AFAP1L1: variants seen among roughly 807,000 people sequenced by gnomAD.
AFAP1L1 encodes actin filament associated protein 1 like 1.
AFAP1L1 carries 77 observed loss-of-function variants against 99.8 expected under a neutral mutation model. That is an observed-to-expected ratio of 0.77 (90% confidence interval 0.64 to 0.93). AFAP1L1 has a LOEUF of 0.93. Ranked by LOEUF, AFAP1L1 falls within the 40% of genes least tolerant of loss-of-function variation. The probability of loss-of-function intolerance (pLI) is 0.00; values close to 1 mark genes in which losing one functional copy is unlikely to be tolerated. For missense variants in AFAP1L1, 893 were observed against 996.8 expected (o/e 0.90, Z 1.40); for synonymous variants, 373 against 395.3 (o/e 0.94, Z 0.67).
chr5:149,283,508 T>TA (rs999384957), intron 1 of AFAP1L1, among the ~76,000 whole-genome samples: 24 of 152,074 alleles, frequency 1.6e-4, no homozygotes, highest in African/African-American at 3.6e-4. Flanking sequence ...AAGATTTTTT[T>TA]AAAAAAAAAC....
chr5:149,315,803 G>C lies in AFAP1L1; in HGVS notation c.1021-18G>C. On this transcript the variant is annotated intron_variant, in intron 9 of 18. Coordinates refer to ENST00000296721, the MANE Select transcript of AFAP1L1 (RefSeq NM_152406.4). ...TGAATGTGCCCTCTGATGAGGGACT[G>C]CCTGTGTCCCTCCTCAGAGGCTGTC... is the stretch of plus-strand genomic sequence containing the variant. The C allele has an allele frequency of 6.2e-7, 1 of 1,608,180 alleles. No individual in the cohort carries two copies. The highest frequency in any genetic ancestry group is 2.2e-5 in the East Asian group (1 of 44,828).
chr5:149,325,591 AC>A (rs1757073090), intron 15 of AFAP1L1, among the ~76,000 whole-genome samples: 1 of 152,338 alleles, frequency 6.6e-6, no homozygotes, highest in East Asian at 1.9e-4. Flanking sequence ...AGCAGAGTAG[AC>A]CAGAGGTTAC....
intron 1 of AFAP1L1, among the ~76,000 whole-genome samples, chr5:149,294,909 A>G (rs1581303990): frequency 6.6e-6 from 1 of 152,236 alleles, no homozygotes; most frequent in African/African-American, 2.4e-5. Flanking sequence ...CAGACAGGCC[A>G]GGGTTCAAAG....
intron 8 of AFAP1L1, 71 bp downstream of exon 8, chr5:149,310,206 G>A: frequency 6.8e-7 from 1 of 1,472,580 alleles, no homozygotes; most frequent in Non-Finnish European, 9.0e-7. Context: ...CCTCAGTAGA[G>A]CTGGCTCCTG....
intron 5 of AFAP1L1, among the ~76,000 whole-genome samples, chr5:149,303,861 G>C (rs34274338): frequency 0.056 from 8,480 of 151,982 alleles, 263 homozygotes; most frequent in East Asian, 0.092. Flanking sequence ...TTTTTTTACT[G>C]TGGTAAAATA....
intron 7 of AFAP1L1, among the ~76,000 whole-genome samples, chr5:149,307,818 T>TTCTCTCCCTCTCTCTCTCTCTC (rs1756473971): frequency 9.9e-6 from 1 of 100,568 alleles, no homozygotes; most frequent in South Asian, 4.2e-4. Flanking sequence ...GTGCCTCTCT[T>TTCTCTCCCTCTCTCTCTCTCTC]TCTCTCTCTC....
At chr5:149,309,919 C>T in intron 7 of AFAP1L1, 37 bp from the exon 8 acceptor site, 1 of 1,613,946 alleles carries the variant, frequency 6.2e-7, no homozygotes, top group Non-Finnish European at 8.5e-7. Flanking sequence ...CTACCCTCTA[C>T]TTCAGAAGAT....
At chr5:149,295,403 A>G (rs1755984797) in intron 1 of AFAP1L1, among the ~76,000 whole-genome samples, 1 of 152,236 alleles carries the variant, frequency 6.6e-6, no homozygotes, top group Non-Finnish European at 1.5e-5. Flanking sequence ...TTCTTACTTT[A>G]GAAACGACTA....
In AFAP1L1 at chr5:149,315,862, G is replaced by A; in HGVS notation, c.1062G>A (p.Val354=). The A allele has an allele frequency of 6.8e-6, 11 of 1,614,182 alleles. No homozygotes were observed. Among genetic ancestry groups the A allele is most frequent in the Non-Finnish European group, 9.3e-6 (11 of 1,180,030 alleles). The change falls in exon 10 of 19, where the codon GTG becomes GTA. Residue 354 remains valine, a synonymous_variant. Transcript: ENST00000296721. ...QEKQTSDSDS[V]GVGDNCSTLG... is the part of the protein sequence containing the mutation. ...AGCAGACCTCAGATTCTGACAGCGTGGGTGTGGGTGACAACTGTTCTACCC... is the reference window on the plus strand; with the variant it reads ...AGCAGACCTCAGATTCTGACAGCGTAGGTGTGGGTGACAACTGTTCTACCC...
At chr5:149,339,804 A>G (rs73795981) in intron 18 of AFAP1L1, among the ~76,000 whole-genome samples, 2,403 of 152,274 alleles carry the variant, frequency 0.016, 32 homozygotes, top group African/African-American at 0.039. Context: ...TCAGGCAACT[A>G]TGTTGAGAAT....
intron 16 of AFAP1L1, among the ~76,000 whole-genome samples, chr5:149,332,424 A>G (rs1757282262): frequency 6.6e-6 from 1 of 152,130 alleles, no homozygotes; most frequent in Non-Finnish European, 1.5e-5. Context: ...GAGAGGGGGA[A>G]GGTGGTTTCC....
rs377191680 is a variant in AFAP1L1 at position 149,300,207 on chromosome 5, G to A, written c.146-64G>A. 144 of 1,213,362 alleles carry A rather than the reference G, an allele frequency of 1.2e-4. 2 individuals are homozygous for A. The African/African-American group carries it at 1.8e-3, about 15-fold the overall frequency. The allele number at this position is 1,213,362 out of a possible 1,614,324, so 75.2% of individuals were successfully genotyped here. A position where few individuals can be genotyped will look rare whatever the true frequency, so the allele number is the denominator to read the frequency against. On this transcript the variant is annotated intron_variant, in intron 2 of 18. Transcript: ENST00000296721. ...TGTCCCATGTGGGCTAGAAGTATGA[G>A]TGGGACGGGGGAGACCTGGTCCCTC... is the stretch of plus-strand genomic sequence containing the variant.
At chr5:149,306,587 G>A (rs1756421276) in intron 6 of AFAP1L1, among the ~76,000 whole-genome samples, 183 bp downstream of exon 6, 1 of 152,230 alleles carries the variant, frequency 6.6e-6, no homozygotes, top group Non-Finnish European at 1.5e-5. Flanking sequence ...CGCTGGAATG[G>A]GAGTCAGAAG....
intron 1 of AFAP1L1, among the ~76,000 whole-genome samples, chr5:149,281,740 T>C (rs1455740595): frequency 1.3e-5 from 2 of 152,194 alleles, no homozygotes; most frequent in Non-Finnish European, 2.9e-5. Context: ...TCTCTGCTGC[T>C]TCTCCATGAA....
chr5:149,311,171 C>T (rs1756618510), intron 8 of AFAP1L1, among the ~76,000 whole-genome samples: 1 of 152,216 alleles, frequency 6.6e-6, no homozygotes, highest in Non-Finnish European at 1.5e-5. Context: ...ACACCTCCCT[C>T]TCTACCCAGC....
In AFAP1L1 at chr5:149,309,966, G is replaced by A. The variant is rs1248867140; in HGVS notation, c.758G>A (p.Ser253Asn). The A allele has an allele frequency of 1.2e-6, 2 of 1,614,164 alleles. No homozygotes were observed. The highest frequency in any genetic ancestry group is 2.2e-5 in the South Asian group (2 of 91,082). ...IREDQLLCYK[S>N]SKDRQPHLRL... ...TCTCTCCCTGTCCAGTGTTACAAAA[G>A]CTCCAAGGATCGGCAGCCACATCTG... The change falls in exon 8 of 19, where the codon AGC becomes AAC. Residue 253 changes from serine to asparagine, a missense_variant. Coordinates refer to ENST00000296721, the MANE Select transcript of AFAP1L1 (RefSeq NM_152406.4).
In AFAP1L1 at chr5:149,289,453, G is replaced by GT. The variant is rs35593208; in HGVS notation, c.17-10045dup. On this transcript the variant is annotated intron_variant, in intron 1 of 18. Coordinates refer to ENST00000296721, the MANE Select transcript of AFAP1L1 (RefSeq NM_152406.4). ...ACGAAGGCATTGGCTTTGCAGCTGG[G>GT]TTTTTTTTTTTCTGCGCCTTTGTCA... Among the ~76,000 whole-genome samples the GT allele has an allele frequency of 2.3e-3, 341 of 147,590 alleles. 5 individuals are homozygous for GT. In the East Asian group the frequency reaches 0.04, roughly 17 times the overall value.
chr5:149,313,152 G>A (rs1333130279), intron 9 of AFAP1L1, among the ~76,000 whole-genome samples: 4 of 151,766 alleles, frequency 2.6e-5, no homozygotes, highest in East Asian at 3.9e-4. Context: ...GAGAAGGAGC[G>A]TGCCTGTTTG....
intron 3 of AFAP1L1, among the ~76,000 whole-genome samples, chr5:149,300,892 C>T (rs551453851): frequency 6.6e-6 from 1 of 152,320 alleles, no homozygotes; most frequent in East Asian, 1.9e-4. Flanking sequence ...TCCAAAGTAC[C>T]AAAACAAGTA....
Sources: allele counts gnomAD v4.1 joint callset (sites outside exome capture counted in the v4.1 genomes callset), GRCh38; gene constraint gnomAD v4.1.1; transcripts MANE v1.5; gene names NCBI Gene and HGNC (gene_info 2026-07-23, HGNC 2026-07-21).